The following BICRAL variants were observed in gnomAD, a reference collection of about 807,000 sequenced individuals.
The protein encoded by BICRAL is BICRA like chromatin remodeling complex associated protein, also known as BRD4-interacting chromatin-remodeling complex-associated protein-like.
Under a neutral mutation model 91.8 loss-of-function variants are expected in BICRAL, and 8 were observed. The ratio of observed to expected loss-of-function variants is 0.09; its 90% CI spans 0.05 to 0.16. The LOEUF is 0.16. BICRAL is among the 10% of genes least tolerant of loss of function. BICRAL has a pLI of 1.00. For missense variants in BICRAL, 1,038 were observed against 1,310.9 expected (o/e 0.79, Z 3.21); for synonymous variants, 445 against 491.1 (o/e 0.91, Z 1.24).
intron 1 of BICRAL, among the ~76,000 whole-genome samples, chr6:42,775,534 C>G (rs1196346188): frequency 6.6e-6 from 1 of 152,190 alleles, no homozygotes; most frequent in African/African-American, 2.4e-5. Context: ...ATGGCACATC[C>G]TGGGCATGCC....
At chr6:42,789,322 A>G (rs1763199052) in intron 1 of BICRAL, among the ~76,000 whole-genome samples, 8 of 152,288 alleles carry the variant, frequency 5.3e-5, no homozygotes, top group Admixed American at 5.2e-4. Context: ...TAAAATTGTA[A>G]ATCTTACATA....
intron 3 of BICRAL, 24 bp downstream of exon 3, chr6:42,822,087 G>A: frequency 6.5e-7 from 1 of 1,538,334 alleles, no homozygotes; most frequent in Non-Finnish European, 9.0e-7. Context: ...TCCAAAACCT[G>A]GGTAAATCAA....
At chr6:42,855,335 G>A (rs1756998082) in intron 8 of BICRAL, among the ~76,000 whole-genome samples, 1 of 152,184 alleles carries the variant, frequency 6.6e-6, no homozygotes, top group Non-Finnish European at 1.5e-5. Flanking sequence ...GAGTCCAGGA[G>A]TTCGAGACAA....
chr6:42,822,199 A>C (rs566745059), intron 3 of BICRAL, 136 bp downstream of exon 3: 66 of 577,000 alleles, frequency 1.1e-4, no homozygotes, highest in Non-Finnish European at 1.9e-4. Flanking sequence ...TAGTAGAGAA[A>C]CAGAGACATG....
intron 1 of BICRAL, among the ~76,000 whole-genome samples, chr6:42,794,430 TG>T (rs1763363450): frequency 3.3e-5 from 5 of 149,740 alleles, no homozygotes; most frequent in African/African-American, 1.2e-4. Flanking sequence ...TGTGTGTGTG[TG>T]TGTGTGTGTG....
intron 2 of BICRAL, among the ~76,000 whole-genome samples, chr6:42,814,075 C>A (rs955128014): frequency 5.4e-4 from 82 of 152,144 alleles, no homozygotes; most frequent in African/African-American, 1.9e-3. Flanking sequence ...TAGTTCATGT[C>A]TGCTTAAAGT....
chr6:42,857,376 T>C, intron 10 of BICRAL, 140 bp downstream of exon 10: 1 of 649,766 alleles, frequency 1.5e-6, no homozygotes, highest in Non-Finnish European at 2.6e-6. Flanking sequence ...TTGTTCCCTG[T>C]TTACTCAATT....
chr6:42,765,536 T>C (rs1169165075), intron 1 of BICRAL, among the ~76,000 whole-genome samples: 1 of 152,246 alleles, frequency 6.6e-6, no homozygotes, highest in East Asian at 1.9e-4. Context: ...TTTTCTGTTC[T>C]TTGTCTTCAC....
At chr6:42,806,854 G>C (rs1455887992) in intron 1 of BICRAL, among the ~76,000 whole-genome samples, 1 of 151,932 alleles carries the variant, frequency 6.6e-6, no homozygotes. Flanking sequence ...TTTTGAGACA[G>C]AGTTTTGCTC....
At chr6:42,839,768 C>G (rs1303546796) in intron 6 of BICRAL, among the ~76,000 whole-genome samples, 1 of 152,016 alleles carries the variant, frequency 6.6e-6, no homozygotes. Flanking sequence ...TAAATTGTCC[C>G]AAATTTGATC....
chr6:42,750,171 T>G (rs1427133940), intron 1 of BICRAL, among the ~76,000 whole-genome samples: 2 of 151,790 alleles, frequency 1.3e-5, no homozygotes, highest in Non-Finnish European at 2.9e-5. Context: ...GCCCTTTTTT[T>G]TTAAATTGAG....
At chr6:42,823,897 C>T (rs979559482) in intron 5 of BICRAL, among the ~76,000 whole-genome samples, 1 of 151,790 alleles carries the variant, frequency 6.6e-6, no homozygotes, top group Non-Finnish European at 1.5e-5. Flanking sequence ...GCATTCCAGC[C>T]TGGGCGACAG....
rs1243233839 is a variant in BICRAL at position 42,845,232 on chromosome 6, T to G, written c.1840-6860T>G. On this transcript the variant is annotated intron_variant, in intron 6 of 12. Coordinates refer to ENST00000314073, the MANE Select transcript of BICRAL (RefSeq NM_001393499.1). Reference sequence around the variant, plus strand: ...TTTTTTTTTTTTTTTTTTTTTTTTTTTTTTTTTTTTTTTTTTAGACAGAGT... The same window carrying G: ...TTTTTTTTTTTTTTTTTTTTTTTTTGTTTTTTTTTTTTTTTTAGACAGAGT... 3.1e-3 allele frequency among the ~76,000 whole-genome samples: 282 copies of G among 91,856 alleles called. 7 individuals carry two copies. Among genetic ancestry groups the G allele is most frequent in the Non-Finnish European group, 3.4e-3 (160 of 47,124 alleles). The allele number at this position is 91,856 out of a possible 152,430, so 60.3% of individuals were successfully genotyped here. A position where few individuals can be genotyped will look rare whatever the true frequency, so the allele number is the denominator to read the frequency against.
At chr6:42,797,464 G>C (rs1763446976) in intron 1 of BICRAL, among the ~76,000 whole-genome samples, 1 of 152,166 alleles carries the variant, frequency 6.6e-6, no homozygotes, top group Admixed American at 6.5e-5. Context: ...GTCAATAACA[G>C]CTTTGGAATC....
intron 11 of BICRAL, among the ~76,000 whole-genome samples, chr6:42,862,097 G>A (rs1170643699): frequency 6.6e-6 from 1 of 152,096 alleles, no homozygotes; most frequent in African/African-American, 2.4e-5. Flanking sequence ...AGCACTTGAG[G>A]AGGCCAAGGC....
intron 1 of BICRAL, among the ~76,000 whole-genome samples, chr6:42,774,467 G>C (rs892896364): frequency 6.6e-6 from 1 of 152,174 alleles, no homozygotes; most frequent in African/African-American, 2.4e-5. Flanking sequence ...ACCAGGCCGC[G>C]TGCGAAATAT....
chr6:42,862,760 G>A (rs1265515109), intron 12 of BICRAL, 148 bp downstream of exon 12: 3 of 603,132 alleles, frequency 5.0e-6, no homozygotes, highest in South Asian at 2.0e-5. Flanking sequence ...GCTCACACCT[G>A]TAATCCCATC....
chr6:42,786,447 G>C (rs567072017), intron 1 of BICRAL, among the ~76,000 whole-genome samples: 1 of 150,834 alleles, frequency 6.6e-6, no homozygotes, highest in African/African-American at 2.5e-5. Flanking sequence ...TATAATCTTT[G>C]ACTAGACTAA....
intron 1 of BICRAL, among the ~76,000 whole-genome samples, chr6:42,809,730 C>G (rs757229394): frequency 2.2e-4 from 34 of 152,074 alleles, no homozygotes; most frequent in Admixed American, 5.9e-4. Context: ...CCTGCCTCAG[C>G]CTCCCAAAGT....
Sources: allele counts gnomAD v4.1 joint callset (sites outside exome capture counted in the v4.1 genomes callset), GRCh38; gene constraint gnomAD v4.1.1; transcripts MANE v1.5; gene names NCBI Gene and HGNC (gene_info 2026-07-23, HGNC 2026-07-21).